Variants in PGS1 observed in about 807,000 individuals in gnomAD.
PGS1 encodes the protein CDP-diacylglycerol--glycerol-3-phosphate 3-phosphatidyltransferase, mitochondrial.
PGS1 carries 44 observed loss-of-function variants against 58.3 expected under a neutral mutation model. The observed-to-expected ratio is 0.75, with a 90% confidence interval of 0.59 to 0.97. The LOEUF (loss-of-function observed/expected upper bound fraction) is 0.97. Among genes scored for constraint, PGS1 ranks in the 50% least tolerant of loss-of-function variants. The pLI is 0.00. For missense variants in PGS1, 684 were observed against 731.1 expected (o/e 0.94, Z 0.74); for synonymous variants, 330 against 311.0 (o/e 1.06, Z -0.64).
rs1038822536 is a variant in PGS1 at position 78,399,334 on chromosome 17, C to G, written c.512-14C>G. 1 of 1,608,098 alleles carries G rather than the reference C, an allele frequency of 6.2e-7. No individual in the cohort carries two copies. The highest frequency in any genetic ancestry group is 1.3e-5 in the African/African-American group (1 of 74,796). On this transcript the variant is annotated splice_polypyrimidine_tract_variant and intron_variant, in intron 4 of 9. Transcript: ENST00000262764. ...TGTTGTGAGTCAGGTGCCGTTTTCT[C>G]TGTCCGTGTTCAGGCCGGAAGAACT...
At position 78,424,617 on chromosome 17, in the gene PGS1, T is replaced by G. The variant is rs2086337322; in HGVS notation, c.*567T>G. On this transcript the variant is annotated 3_prime_UTR_variant, in exon 10 of 10. Coordinates refer to ENST00000262764, the MANE Select transcript of PGS1 (RefSeq NM_024419.5). ...CTCGCCCTATTTAATGGTGTTTTTA[T>G]TTCCTGTCTGAAATCTCAAAATAAA... 1.3e-5 allele frequency: 2 copies of G among 156,106 alleles called. No homozygotes were observed. Among genetic ancestry groups the G allele is most frequent in the African/African-American group, 4.8e-5 (2 of 41,646 alleles). The allele number at this position is 156,106 out of a possible 1,614,324, so 9.7% of individuals were successfully genotyped here.
At chr17:78,397,561 C>T (rs1004564038) in intron 3 of PGS1, among the ~76,000 whole-genome samples, 11 of 150,904 alleles carry the variant, frequency 7.3e-5, no homozygotes, top group South Asian at 2.1e-4. Context: ...CTCAGCCTCC[C>T]GAGTAGTTGG....
At chr17:78,408,853 G>GC (rs2084382906) in intron 7 of PGS1, among the ~76,000 whole-genome samples, 1 of 152,206 alleles carries the variant, frequency 6.6e-6, no homozygotes, top group African/African-American at 2.4e-5. Context: ...GGTTCTGGGA[G>GC]CTGGGGTAGA....
intron 6 of PGS1, among the ~76,000 whole-genome samples, chr17:78,401,223 C>T (rs1429561380): frequency 6.6e-6 from 1 of 152,132 alleles, no homozygotes; most frequent in Non-Finnish European, 1.5e-5. Flanking sequence ...AAACTCAGGT[C>T]AGGACGCAGT....
chr17:78,419,820 G>A (rs995889137), intron 9 of PGS1, 145 bp downstream of exon 9: 6 of 1,448,920 alleles, frequency 4.1e-6, no homozygotes, highest in African/African-American at 1.4e-5. Context: ...TCAGGGGTAT[G>A]GCAGCTGTCC....
At chr17:78,406,546 G>A (rs574485272) in intron 7 of PGS1, among the ~76,000 whole-genome samples, 2 of 152,254 alleles carry the variant, frequency 1.3e-5, no homozygotes, top group African/African-American at 4.8e-5. Context: ...GCATTGTTTG[G>A]TGTGGGAAGT....
chr17:78,421,274 GA>G (rs533244990), intron 9 of PGS1: 265 of 152,346 alleles, frequency 1.7e-3, no homozygotes, highest in Middle Eastern at 0.01. Context: ...CTTGCACAGA[GA>G]GAAGCTTCCT....
At chr17:78,409,186 C>T (rs2084414102) in intron 7 of PGS1, among the ~76,000 whole-genome samples, 1 of 152,248 alleles carries the variant, frequency 6.6e-6, no homozygotes, top group Non-Finnish European at 1.5e-5. Context: ...CCATGCTGTG[C>T]TGAGCCAGGC....
chr17:78,388,768 T>C (rs564494559), intron 1 of PGS1, among the ~76,000 whole-genome samples: 2 of 152,294 alleles, frequency 1.3e-5, no homozygotes, highest in Non-Finnish European at 2.9e-5. Context: ...ACCTTCCCAG[T>C]AGCCCAGGCA....
chr17:78,420,042 G>A, intron 9 of PGS1: 2 of 1,110,064 alleles, frequency 1.8e-6, no homozygotes, highest in South Asian at 4.4e-5. Context: ...TCCAAGCTGA[G>A]CACACTGGTG....
At position 78,423,775 on chromosome 17, in the gene PGS1, C is replaced by T. The variant is rs971975444; in HGVS notation, c.*11-286C>T. Reference sequence around the variant, plus strand: ...CCTCTGGTTCCGATGTGCTTGGTTACAAAGCACCTGATTATTTAAGAGAAC... The same window carrying T: ...CCTCTGGTTCCGATGTGCTTGGTTATAAAGCACCTGATTATTTAAGAGAAC... On this transcript the variant is annotated intron_variant, in intron 9 of 9. Transcript: ENST00000262764. 8.0e-6 allele frequency: 10 copies of T among 1,254,962 alleles called. No individual in the cohort carries two copies. In the Admixed American group the frequency reaches 1.0e-4, roughly 13 times the overall value. 77.7% of individuals were successfully genotyped at this position (1,254,962 alleles called of 1,614,324 possible).
chr17:78,380,914 C>T (rs2081990664), intron 1 of PGS1: 1 of 151,700 alleles, frequency 6.6e-6, no homozygotes, highest in African/African-American at 2.4e-5. Context: ...GGTCTGATCT[C>T]GGCTCAGTGC....
chr17:78,392,451 C>T, intron 1 of PGS1, 25 bp from the exon 2 acceptor site: 1 of 1,573,004 alleles, frequency 6.4e-7, no homozygotes. Flanking sequence ...TGAGGTGTGA[C>T]CCAGTTGCAT....
intron 9 of PGS1, among the ~76,000 whole-genome samples, chr17:78,422,537 C>CTGGGTGTGTTTGCCTTTTT (rs1555645302): frequency 1.3e-5 from 2 of 152,084 alleles, no homozygotes. Flanking sequence ...CTCACTCTGT[C>CTGGGTGTGTTTGCCTTTTT]ACCCAGGCTG....
chr17:78,417,949 T>A (rs1261722901), intron 8 of PGS1, among the ~76,000 whole-genome samples: 2 of 103,168 alleles, frequency 1.9e-5, no homozygotes, highest in Admixed American at 1.0e-4. Context: ...TTTTTTTTTT[T>A]AATGGAGTCT....
At chr17:78,412,510 G>A (rs2084803656) in intron 7 of PGS1, among the ~76,000 whole-genome samples, 1 of 152,254 alleles carries the variant, frequency 6.6e-6, no homozygotes, top group Non-Finnish European at 1.5e-5. Flanking sequence ...ATGAAGTTGT[G>A]CACTGGAGGT....
intron 7 of PGS1, 150 bp downstream of exon 7, chr17:78,404,239 C>T (rs2083927393): frequency 1.4e-5 from 11 of 802,920 alleles, no homozygotes; most frequent in Non-Finnish European, 2.1e-5. Context: ...ATAGCTGTCC[C>T]ATGACTTGGG....
chr17:78,418,818 C>T (rs576537190), intron 8 of PGS1, among the ~76,000 whole-genome samples: 15 of 152,074 alleles, frequency 9.9e-5, no homozygotes, highest in Non-Finnish European at 2.1e-4. Flanking sequence ...TCACAGATGT[C>T]ATTGGCACAA....
At chr17:78,395,818 A>T (rs890154691) in intron 2 of PGS1, among the ~76,000 whole-genome samples, 10 of 152,328 alleles carry the variant, frequency 6.6e-5, no homozygotes, top group African/African-American at 2.2e-4. Context: ...AGCTCATTGC[A>T]ACCTCTGCCT....
Sources: gnomAD v4.1 joint callset for allele counts (sites outside exome capture counted in the v4.1 genomes callset) on GRCh38, gnomAD v4.1.1 for gene constraint, MANE v1.5 for transcripts, NCBI Gene and HGNC (gene_info 2026-07-23, HGNC 2026-07-21) for gene names.